Variants in GDAP1 observed in about 807,000 individuals in gnomAD.
GDAP1 encodes ganglioside induced differentiation associated protein 1.
In GDAP1, 34 loss-of-function variants were observed where a neutral mutation model predicts 40.1. The observed-to-expected ratio is 0.85, with a 90% CI of 0.64 to 1.13. The LOEUF is 1.13. GDAP1 is among the 50% of genes most tolerant of loss of function. The pLI is 0.00. For synonymous variants in GDAP1, 170 were observed against 157.4 expected, an observed-to-expected ratio of 1.08 and a Z score of -0.60; for missense variants, 374 against 433.7, an observed-to-expected ratio of 0.86 and a Z score of 1.22.
At chr8:74,477,990 G>A (rs887794920) in intron 2 of GDAP1, among the ~76,000 whole-genome samples, 1 of 152,160 alleles carries the variant, frequency 6.6e-6, no homozygotes, top group Non-Finnish European at 1.5e-5. Flanking sequence ...GCAGGACAGT[G>A]TGTATCCTAT....
In GDAP1 at chr8:74,376,996, T is replaced by C. The variant is rs1285597433; in HGVS notation, c.165+25675T>C. Among the ~76,000 whole-genome samples, 4 of 152,300 alleles carry C rather than the reference T, an allele frequency of 2.6e-5. No homozygotes were observed. The East Asian group carries it at 5.8e-4, about 22-fold the overall frequency. On this transcript the variant is annotated intron_variant, in intron 2 of 2. Transcript: ENST00000523640. ...TTTCAAAAAATGACACTTGAATAAG[T>C]AGATATCCACATTAAAAACATATAC...
chr8:74,398,769 A>T (rs571120467), intron 2 of GDAP1, among the ~76,000 whole-genome samples: 42 of 151,998 alleles, frequency 2.8e-4, no homozygotes, highest in Middle Eastern at 3.4e-3. Flanking sequence ...GAGTTGTTGA[A>T]TTTTGTCAAA....
chr8:74,354,713 G>T (rs1809023087), intron 2 of GDAP1, among the ~76,000 whole-genome samples: 1 of 152,212 alleles, frequency 6.6e-6, no homozygotes, highest in African/African-American at 2.4e-5. Context: ...GTGATTTCAG[G>T]TTCTTTGAAA....
intron 2 of GDAP1, among the ~76,000 whole-genome samples, chr8:74,386,570 C>T (rs1396424878): frequency 1.3e-5 from 2 of 152,136 alleles, no homozygotes; most frequent in African/African-American, 2.4e-5. Flanking sequence ...CAGTACCATG[C>T]GATTTTTGTT....
chr8:74,422,350 TTCCCTTCCTTCC>T (rs1485422245), intron 2 of GDAP1, among the ~76,000 whole-genome samples: 4,775 of 47,502 alleles, frequency 0.1, 244 homozygotes, highest in Middle Eastern at 0.18. Flanking sequence ...TCTTTCTTTC[TTCCCTTCCTTCC>T]TTCCTTCCTT....
At chr8:74,434,233 A>T (rs994014934) in intron 2 of GDAP1, among the ~76,000 whole-genome samples, 1 of 152,202 alleles carries the variant, frequency 6.6e-6, no homozygotes, top group Admixed American at 6.5e-5. Context: ...TGTGCAGTTC[A>T]TGTAAGTTCT....
chr8:74,378,081 T>C (rs1809887482), intron 2 of GDAP1, among the ~76,000 whole-genome samples: 1 of 152,206 alleles, frequency 6.6e-6, no homozygotes, highest in Non-Finnish European at 1.5e-5. Flanking sequence ...ACTTGTCCTA[T>C]GTCTGACATG....
chr8:74,364,235 G>C lies in GDAP1; in HGVS notation c.945G>C (p.Arg315Ser). Residue 315 changes from arginine (R) to serine (S), a missense_variant, in exon 6 of 6, where the codon AGG becomes AGC. Arg to Ser is a moderately radical substitution (Grantham distance 110). Transcript: ENST00000220822. ...LPTAFRVAKKRAPKVLGTTLV... is the reference protein window; with the variant it reads ...LPTAFRVAKKSAPKVLGTTLV... ...CAGCATTCCGGGTGGCCAAGAAAAG[G>C]GCCCCAAAAGTTCTTGGCACGACCC... 6.2e-7 allele frequency: 1 copy of C among 1,614,178 alleles called. No individual in the cohort carries two copies. The highest frequency in any genetic ancestry group is 8.5e-7 in the Non-Finnish European group (1 of 1,180,034).
At chr8:74,408,927 G>A (rs950614836) in intron 2 of GDAP1, among the ~76,000 whole-genome samples, 1 of 149,892 alleles carries the variant, frequency 6.7e-6, no homozygotes. Flanking sequence ...CTGGAAATTC[G>A]GTCACCATTC....
At chr8:74,477,086 C>T (rs1335532174) in intron 2 of GDAP1, among the ~76,000 whole-genome samples, 1 of 152,156 alleles carries the variant, frequency 6.6e-6, no homozygotes, top group Non-Finnish European at 1.5e-5. Flanking sequence ...TCTGTTAATA[C>T]TTGTGATTGC....
In GDAP1 at chr8:74,350,672, T is replaced by C. The variant is rs964681159; in HGVS notation, c.117+94T>C. The C allele has an allele frequency of 9.1e-6, 8 of 874,710 alleles. No individual in the cohort carries two copies. In the African/African-American group the frequency reaches 1.1e-4, roughly 13 times the overall value. 54.2% of individuals were successfully genotyped at this position (874,710 alleles called of 1,614,324 possible). The stretch of plus-strand genomic sequence containing the variant: ...TCCCGCCCAGGGAAGCCGGTCCACC[T>C]AGAAATCCGCCTCCAGTGTCCTGAC... On this transcript the variant is annotated intron_variant, in intron 1 of 5. Transcript: ENST00000220822.
intron 2 of GDAP1, among the ~76,000 whole-genome samples, chr8:74,398,288 C>T (rs1810245977): frequency 6.6e-6 from 1 of 151,974 alleles, no homozygotes; most frequent in African/African-American, 2.4e-5. Context: ...GGATTGCAAC[C>T]CCTGCCTTTG....
At chr8:74,419,845 G>A (rs1298834712) in intron 2 of GDAP1, among the ~76,000 whole-genome samples, 3 of 152,102 alleles carry the variant, frequency 2.0e-5, no homozygotes, top group African/African-American at 7.2e-5. Flanking sequence ...ATGGTGTGAT[G>A]TAGCCAGTCC....
At chr8:74,403,559 A>G (rs534379128) in intron 2 of GDAP1, among the ~76,000 whole-genome samples, 3 of 150,336 alleles carry the variant, frequency 2.0e-5, no homozygotes, top group Non-Finnish European at 4.4e-5. Flanking sequence ...TTACACACTT[A>G]ACGTTTTAGC....
At chr8:74,353,622 C>T (rs1808975186) in intron 2 of GDAP1, among the ~76,000 whole-genome samples, 1 of 152,092 alleles carries the variant, frequency 6.6e-6, no homozygotes, top group Admixed American at 6.5e-5. Context: ...TTCTACCAAC[C>T]CTTGCTACTA....
intron 2 of GDAP1, among the ~76,000 whole-genome samples, chr8:74,385,652 T>A (rs1473686331): frequency 6.6e-6 from 1 of 152,210 alleles, no homozygotes; most frequent in Admixed American, 6.5e-5. Context: ...TGTGCATGTG[T>A]CTTTATAGTA....
intron 2 of GDAP1, among the ~76,000 whole-genome samples, chr8:74,424,152 TAA>T (rs1447142731): frequency 6.6e-6 from 1 of 152,160 alleles, no homozygotes; most frequent in East Asian, 1.9e-4. Flanking sequence ...CTGTATACTT[TAA>T]GTCATTTCTA....
At chr8:74,369,160 G>A (rs1311925937), downstream of GDAP1, among the ~76,000 whole-genome samples, 2 of 152,084 alleles carry the variant, frequency 1.3e-5, no homozygotes, top group Non-Finnish European at 2.9e-5. Context: ...CTGCCTACTA[G>A]AACAAGAATC....
chr8:74,421,543 CT>C (rs1805857608), intron 2 of GDAP1, among the ~76,000 whole-genome samples: 1 of 152,126 alleles, frequency 6.6e-6, no homozygotes, highest in African/African-American at 2.4e-5. Context: ...AGCTAAGATT[CT>C]TGCCTGGGAG....
Sources: gnomAD v4.1 joint callset for allele counts (sites outside exome capture counted in the v4.1 genomes callset) on GRCh38, gnomAD v4.1.1 for gene constraint, MANE v1.5 for transcripts, NCBI Gene and HGNC (gene_info 2026-07-23, HGNC 2026-07-21) for gene names.